The following SDK1 variants were observed in gnomAD, a reference collection of about 807,000 sequenced individuals.
SDK1 encodes sidekick cell adhesion molecule 1.
A neutral mutation model predicts 245.5 loss-of-function variants in SDK1; 157 were observed. The observed-to-expected ratio is 0.64, with a 90% CI of 0.56 to 0.73. The LOEUF is 0.73. SDK1 is among the 30% of genes least tolerant of loss of function. SDK1 has a pLI of 0.00. For synonymous variants in SDK1, 1,647 were observed against 1,278.5 expected (o/e 1.29, Z -6.15); for missense variants, 3,583 against 3,002.3 (o/e 1.19, Z -4.52).
intron 31 of SDK1, 41 bp from the exon 32 acceptor site, chr7:4,161,742 TAAC>T (rs745888646): frequency 3.9e-4 from 603 of 1,552,656 alleles, no homozygotes; most frequent in Non-Finnish European, 4.7e-4. Context: ...CGGCAGAACA[TAAC>T]AACCACCCTG....
chr7:3,691,677 G>A (rs1169227985), intron 4 of SDK1, among the ~76,000 whole-genome samples: 1 of 152,148 alleles, frequency 6.6e-6, no homozygotes, highest in Non-Finnish European at 1.5e-5. Flanking sequence ...TGGTTGCACA[G>A]CACCAACACA....
chr7:3,442,872 C>G (rs994222792), intron 1 of SDK1, among the ~76,000 whole-genome samples: 1 of 152,140 alleles, frequency 6.6e-6, no homozygotes, highest in African/African-American at 2.4e-5. Flanking sequence ...TGTGTTCTGT[C>G]TCTTCCATTC....
rs148120703 is a variant in SDK1, at chr7:4,231,673, G to A, written c.5828-1582G>A. On this transcript the variant is annotated intron_variant, in intron 40 of 44. Transcript: ENST00000404826. ...ATCAGTATTATACTACCTTTCTGCC[G>A]GTGGAGAGATTTGTACCTTTAAAAT... 2.0e-3 allele frequency among the ~76,000 whole-genome samples: 300 copies of A among 152,242 alleles called. 4 individuals carry two copies. The highest frequency in any genetic ancestry group is 6.6e-3 in the African/African-American group (273 of 41,548).
chr7:3,352,932 C>G (rs6959185), intron 1 of SDK1, among the ~76,000 whole-genome samples: 35,574 of 151,956 alleles, frequency 0.23, 4,624 homozygotes, highest in East Asian at 0.38. Context: ...ATCATGGATG[C>G]AGGAACAAGC....
chr7:3,835,897 G>T (rs1336919321), intron 5 of SDK1, among the ~76,000 whole-genome samples: 1 of 152,188 alleles, frequency 6.6e-6, no homozygotes, highest in East Asian at 1.9e-4. Context: ...ACCTTTGCCT[G>T]TTTTAAAGAC....
At chr7:3,782,581 C>T (rs772862994) in intron 4 of SDK1, among the ~76,000 whole-genome samples, 3 of 152,074 alleles carry the variant, frequency 2.0e-5, no homozygotes, top group Non-Finnish European at 2.9e-5. Context: ...AGAAACACTT[C>T]GTATACAAAG....
At chr7:3,508,648 T>C (rs1009694170) in intron 1 of SDK1, among the ~76,000 whole-genome samples, 9 of 152,142 alleles carry the variant, frequency 5.9e-5, no homozygotes, top group Non-Finnish European at 1.0e-4. Flanking sequence ...ATTCTTGAGA[T>C]TGCAATTTAG....
intron 20 of SDK1, among the ~76,000 whole-genome samples, chr7:4,074,011 G>A (rs977665369): frequency 1.1e-4 from 16 of 152,278 alleles, no homozygotes; most frequent in Non-Finnish European, 2.4e-4. Flanking sequence ...CCTATTGGTT[G>A]TTGGGCAGGG....
At chr7:3,391,741 A>G (rs973925340) in intron 1 of SDK1, among the ~76,000 whole-genome samples, 2 of 147,972 alleles carry the variant, frequency 1.4e-5, no homozygotes, top group Non-Finnish European at 3.0e-5. Flanking sequence ...GGTTTAAGTG[A>G]TCCTCCTGTC....
At chr7:3,827,852 G>A (rs1382481577) in intron 5 of SDK1, among the ~76,000 whole-genome samples, 1 of 152,176 alleles carries the variant, frequency 6.6e-6, no homozygotes, top group Non-Finnish European at 1.5e-5. Context: ...TACAGGGGAA[G>A]AATAGCCTGG....
At chr7:3,630,992 G>T (rs1426075677) in intron 2 of SDK1, among the ~76,000 whole-genome samples, 1 of 152,088 alleles carries the variant, frequency 6.6e-6, no homozygotes, top group African/African-American at 2.4e-5. Context: ...TTGGAGTGCA[G>T]TGGTGCAATG....
At chr7:3,820,946 G>A (rs1023650697) in intron 4 of SDK1, among the ~76,000 whole-genome samples, 2 of 152,218 alleles carry the variant, frequency 1.3e-5, no homozygotes, top group Non-Finnish European at 2.9e-5. Flanking sequence ...TTGAAGGGGG[G>A]CAGCACTGTG....
chr7:3,904,340 A>T (rs912197557), intron 5 of SDK1, among the ~76,000 whole-genome samples: 3 of 152,176 alleles, frequency 2.0e-5, no homozygotes, highest in African/African-American at 7.2e-5. Context: ...TTTGGAGTGG[A>T]AAAAATACTC....
chr7:3,575,954 G>A (rs1459604189), intron 1 of SDK1, among the ~76,000 whole-genome samples: 1 of 151,964 alleles, frequency 6.6e-6, no homozygotes, highest in African/African-American at 2.4e-5. Context: ...CCCCATGTGA[G>A]CCAGGTCACC....
At chr7:3,650,246 T>G (rs758885827) in intron 4 of SDK1, among the ~76,000 whole-genome samples, 1 of 152,170 alleles carries the variant, frequency 6.6e-6, no homozygotes, top group Non-Finnish European at 1.5e-5. Flanking sequence ...CTTTTAAGTA[T>G]AGTTAGTGGC....
intron 23 of SDK1, 21 bp downstream of exon 23, chr7:4,110,793 C>A: frequency 6.4e-7 from 1 of 1,553,456 alleles, no homozygotes; most frequent in Non-Finnish European, 8.9e-7. Flanking sequence ...CAGTGATAAG[C>A]TGTTACAGGA....
chr7:3,978,073 G>A (rs1007918545), intron 13 of SDK1, among the ~76,000 whole-genome samples: 2 of 151,994 alleles, frequency 1.3e-5, no homozygotes, highest in Admixed American at 6.6e-5. Context: ...CTTCCTTTCG[G>A]GTCTCAGACA....
At chr7:4,115,851 T>C (rs1783671515) in intron 25 of SDK1, among the ~76,000 whole-genome samples, 2 of 152,292 alleles carry the variant, frequency 1.3e-5, no homozygotes, top group Admixed American at 1.3e-4. Context: ...GAAACTGCCT[T>C]AGGAGACACA....
At chr7:3,345,872 G>A (rs939171279) in intron 1 of SDK1, among the ~76,000 whole-genome samples, 1 of 152,144 alleles carries the variant, frequency 6.6e-6, no homozygotes, top group African/African-American at 2.4e-5. Context: ...GACACAGCTT[G>A]GGCTGCCGTG....
Sources: allele counts gnomAD v4.1 joint callset (sites outside exome capture counted in the v4.1 genomes callset), GRCh38; gene constraint gnomAD v4.1.1; transcripts MANE v1.5; gene names NCBI Gene and HGNC (gene_info 2026-07-23, HGNC 2026-07-21).